Variants in MALRD1 observed in about 807,000 individuals in gnomAD.
MALRD1 encodes MAM and LDL receptor class A domain containing 1.
MALRD1 carries 247 observed loss-of-function variants against 242.1 expected under a neutral mutation model. The observed-to-expected ratio is 1.02, with a 90% CI of 0.92 to 1.13. The LOEUF (loss-of-function observed/expected upper bound fraction) is 1.13, where lower values mean the gene tolerates loss of function less well. MALRD1 is among the 50% of genes most tolerant of loss of function. The pLI, the probability that MALRD1 is intolerant of heterozygous loss-of-function variation, is 0.00. For missense variants in MALRD1, 2,989 were observed against 2,533.1 expected (o/e 1.18, Z -3.86); for synonymous variants, 995 against 866.6 (o/e 1.15, Z -2.60).
rs554508283 is a variant in MALRD1 at position 19,233,744 on chromosome 10, A to G, written c.2992-23940A>G. On this transcript the variant is annotated intron_variant, in intron 18 of 39. Transcript: ENST00000454679. ...AGCAAGATTGTAATGATAAAGGAAA[A>G]TAACATTAGTGCTAATTTGTTTCAA... 2.6e-4 allele frequency among the ~76,000 whole-genome samples: 40 copies of G among 152,282 alleles called. No individual in the cohort carries two copies. In the South Asian group the frequency reaches 8.1e-3, roughly 31 times the overall value.
intron 29 of MALRD1, among the ~76,000 whole-genome samples, chr10:19,488,229 C>T (rs1837318539): frequency 6.6e-6 from 1 of 151,914 alleles, no homozygotes; most frequent in Non-Finnish European, 1.5e-5. Context: ...TTTTCTAAGC[C>T]CCCTTTAGAT....
chr10:19,695,078 G>A (rs1833304886), intron 38 of MALRD1, among the ~76,000 whole-genome samples: 1 of 152,234 alleles, frequency 6.6e-6, no homozygotes, highest in Admixed American at 6.5e-5. Flanking sequence ...GTCATGGGGT[G>A]GGGCTAGTGG....
At chr10:19,172,958 A>G (rs1334607252) in intron 13 of MALRD1, among the ~76,000 whole-genome samples, 1 of 152,058 alleles carries the variant, frequency 6.6e-6, no homozygotes, top group Non-Finnish European at 1.5e-5. Context: ...TGAAGGCTAA[A>G]TTTCTTAGTT....
intron 8 of MALRD1, among the ~76,000 whole-genome samples, chr10:19,129,493 A>G (rs905885426): frequency 2.0e-5 from 3 of 151,962 alleles, no homozygotes; most frequent in African/African-American, 7.2e-5. Context: ...TACTTCAGGA[A>G]TTTGTATAGA....
chr10:19,116,542 A>T (rs946310862), intron 5 of MALRD1, among the ~76,000 whole-genome samples: 2 of 152,218 alleles, frequency 1.3e-5, no homozygotes, highest in South Asian at 4.1e-4. Context: ...GATGTCAATT[A>T]TAACTTTTAC....
intron 29 of MALRD1, among the ~76,000 whole-genome samples, chr10:19,454,672 T>G (rs1467330209): frequency 6.6e-6 from 1 of 150,632 alleles, no homozygotes; most frequent in African/African-American, 2.5e-5. Flanking sequence ...TGAAGGATTA[T>G]AAATCAAACC....
At chr10:19,689,519 ATAAAG>A (rs1842736379) in intron 36 of MALRD1, among the ~76,000 whole-genome samples, 2 of 152,296 alleles carry the variant, frequency 1.3e-5, no homozygotes, top group South Asian at 4.1e-4. Flanking sequence ...CAAATGATGG[ATAAAG>A]TAAAGTAATA....
chr10:19,633,034 T>A (rs12266190), intron 36 of MALRD1, among the ~76,000 whole-genome samples: 1 of 151,844 alleles, frequency 6.6e-6, no homozygotes, highest in Non-Finnish European at 1.5e-5. Context: ...GAGTTCAAGA[T>A]CAGCCTGGCC....
At chr10:19,217,399 A>G (rs569860352) in intron 18 of MALRD1, among the ~76,000 whole-genome samples, 1 of 150,298 alleles carries the variant, frequency 6.7e-6, no homozygotes, top group Non-Finnish European at 1.5e-5. Context: ...ATACCTACTC[A>G]TTTTTTTCAG....
chr10:19,407,342 TGTG>T (rs1402846924), intron 28 of MALRD1, among the ~76,000 whole-genome samples: 11 of 152,114 alleles, frequency 7.2e-5, no homozygotes, highest in Admixed American at 2.0e-4. Flanking sequence ...AATAGCCAGA[TGTG>T]GTGGTGTGCA....
intron 29 of MALRD1, among the ~76,000 whole-genome samples, chr10:19,456,813 G>A (rs571641766): frequency 2.6e-4 from 38 of 148,516 alleles, no homozygotes; most frequent in African/African-American, 8.7e-4. Context: ...TCGCTCTGTC[G>A]CCAGGCTGGA....
intron 21 of MALRD1, among the ~76,000 whole-genome samples, chr10:19,317,582 C>A (rs1842759241): frequency 6.6e-6 from 1 of 152,018 alleles, no homozygotes; most frequent in African/African-American, 2.4e-5. Context: ...AGGACAAATT[C>A]CATCTGATTC....
At chr10:19,078,125 T>G (rs1419441523) in intron 2 of MALRD1, among the ~76,000 whole-genome samples, 2 of 151,946 alleles carry the variant, frequency 1.3e-5, no homozygotes, top group Admixed American at 6.6e-5. Context: ...TTTTTTTATT[T>G]TTTTTGAATT....
intron 36 of MALRD1, among the ~76,000 whole-genome samples, chr10:19,683,378 CT>C (rs1842453926): frequency 6.6e-6 from 1 of 152,202 alleles, no homozygotes; most frequent in South Asian, 2.1e-4. Flanking sequence ...TAGCAAATAG[CT>C]TGGCATAGCA....
At chr10:19,553,133 A>G (rs1266554423) in intron 32 of MALRD1, among the ~76,000 whole-genome samples, 4 of 152,142 alleles carry the variant, frequency 2.6e-5, no homozygotes, top group African/African-American at 9.7e-5. Context: ...CTTATTCCAT[A>G]TAATGTATGT....
At chr10:19,306,202 G>GTA (rs540808835) in intron 21 of MALRD1, among the ~76,000 whole-genome samples, 7 of 120,308 alleles carry the variant, frequency 5.8e-5, no homozygotes, top group African/African-American at 1.9e-4. Flanking sequence ...TACATATATA[G>GTA]TATATATATA....
intron 5 of MALRD1, among the ~76,000 whole-genome samples, chr10:19,109,504 G>A (rs1056812167): frequency 1.3e-4 from 20 of 152,198 alleles, no homozygotes; most frequent in African/African-American, 2.2e-4. Context: ...CTTGGCCACC[G>A]GGGTTGCAGC....
At chr10:19,439,324 A>C (rs1188758579) in intron 28 of MALRD1, among the ~76,000 whole-genome samples, 1 of 152,118 alleles carries the variant, frequency 6.6e-6, no homozygotes, top group Non-Finnish European at 1.5e-5. Flanking sequence ...TGAGCCCATT[A>C]GTTTAAAACC....
intron 28 of MALRD1, among the ~76,000 whole-genome samples, chr10:19,402,867 A>G (rs1846930391): frequency 6.6e-6 from 1 of 152,090 alleles, no homozygotes; most frequent in African/African-American, 2.4e-5. Flanking sequence ...AATCCTGAAC[A>G]TCTTCCTAGA....
Sources: gnomAD v4.1 joint callset for allele counts (sites outside exome capture counted in the v4.1 genomes callset) on GRCh38, gnomAD v4.1.1 for gene constraint, MANE v1.5 for transcripts, NCBI Gene and HGNC (gene_info 2026-07-23, HGNC 2026-07-21) for gene names.